Variants in NEB observed in about 807,000 individuals in gnomAD.
NEB encodes nebulin.
NEB carries 512 observed loss-of-function variants against 952.2 expected under a neutral mutation model. The ratio of observed to expected loss-of-function variants is 0.54; its 90% confidence interval spans 0.50 to 0.58. The LOEUF (loss-of-function observed/expected upper bound fraction) is 0.58. NEB is among the 20% of genes least tolerant of loss of function. The probability of loss-of-function intolerance (pLI) is 0.00; values close to 1 mark genes in which losing one functional copy is unlikely to be tolerated. For missense variants in NEB, 8,428 were observed against 9,231.1 expected (o/e 0.91, Z 3.56); for synonymous variants, 2,900 against 3,149.8 (o/e 0.92, Z 2.66).
intron 46 of NEB, among the ~76,000 whole-genome samples, chr2:151,661,612 G>T (rs895311774): frequency 6.6e-6 from 1 of 152,184 alleles, no homozygotes; most frequent in Non-Finnish European, 1.5e-5. Flanking sequence ...TAAAAATAGA[G>T]TAAGTCTTTT....
At chr2:151,532,735 A>G (rs2091952689) in intron 143 of NEB, among the ~76,000 whole-genome samples, 1 of 114,278 alleles carries the variant, frequency 8.8e-6, no homozygotes, top group South Asian at 2.7e-4. Context: ...CTAAGAGGAA[A>G]GCTCAATTAA....
Position 151,535,409 on chromosome 2 carries a change from G to A in NEB, c.21312+282C>T, listed in dbSNP as rs1443458267. On this transcript the variant is annotated intron_variant, in intron 142 of 181. Transcript: ENST00000397345. ...AGTCAAGAAAATCCTTTACCTGCCT[G>A]GTATTGTCACCCGCAGGGCTGTGCT... Among the ~76,000 whole-genome samples, 4 of 152,138 alleles carry A rather than the reference G, an allele frequency of 2.6e-5. No individual in the cohort carries two copies. In the East Asian group the frequency reaches 5.8e-4, roughly 22 times the overall value.
At chr2:151,675,183 T>G in intron 35 of NEB, 104 bp downstream of exon 35, 1 of 826,694 alleles carries the variant, frequency 1.2e-6, no homozygotes, top group Non-Finnish European at 2.0e-6. Context: ...AGGGGATTTG[T>G]GAGAAATGGG....
intron 164 of NEB, chr2:151,505,885 A>G: frequency 1.8e-6 from 1 of 541,258 alleles, no homozygotes; most frequent in South Asian, 2.3e-5. Flanking sequence ...AAACAGATTG[A>G]CATACATATA....
At chr2:151,729,122 T>C (rs1412451072) in intron 4 of NEB, among the ~76,000 whole-genome samples, 1 of 152,164 alleles carries the variant, frequency 6.6e-6, no homozygotes, top group African/African-American at 2.4e-5. Context: ...TATTTAGAAT[T>C]GCTAATGTGC....
intron 143 of NEB, among the ~76,000 whole-genome samples, chr2:151,533,134 GGAATC>G (rs1559624213): frequency 6.6e-6 from 1 of 152,210 alleles, no homozygotes; most frequent in East Asian, 1.9e-4. Context: ...CAATCTCTAA[GGAATC>G]TATTTCTTTG....
chr2:151,641,858 C>T (rs1388291111), intron 60 of NEB, among the ~76,000 whole-genome samples: 1 of 152,160 alleles, frequency 6.6e-6, no homozygotes, highest in Non-Finnish European at 1.5e-5. Context: ...TACATGTGCA[C>T]AACGTGCAGG....
At chr2:151,502,999 A>G in intron 166 of NEB, 114 bp from the exon 167 acceptor site, 2 of 650,544 alleles carry the variant, frequency 3.1e-6, no homozygotes, top group Non-Finnish European at 5.4e-6. Context: ...AGTAAGTAAT[A>G]TTTAGTAAGG....
chr2:151,507,713 C>A, intron 162 of NEB: 1 of 330,218 alleles, frequency 3.0e-6, no homozygotes, highest in Non-Finnish European at 5.6e-6. Context: ...TCTTGTTAAT[C>A]TGTCTTTTGT....
chr2:151,635,559 T>C (rs2098742359), intron 64 of NEB, among the ~76,000 whole-genome samples: 1 of 151,620 alleles, frequency 6.6e-6, no homozygotes, highest in Admixed American at 6.6e-5. Context: ...ATACAAAAAA[T>C]TATGGGCGTG....
chr2:151,633,773 T>G lies in NEB; in HGVS notation c.9295A>C (p.Lys3099Gln). The G allele has an allele frequency of 6.2e-7, 1 of 1,613,946 alleles. No homozygotes were observed. Among genetic ancestry groups the G allele is most frequent in the Non-Finnish European group, 8.5e-7 (1 of 1,179,862 alleles). ...TCACTGACTAAGGTCTGGCACTTCTTGGCCAGCACCACCCCCAGCATGTCC... is the reference window on the plus strand; with the variant it reads ...TCACTGACTAAGGTCTGGCACTTCTGGGCCAGCACCACCCCCAGCATGTCC... Reference protein sequence around the residue: ...PVDMLGVVLAKKCQTLVSDVD... With the variant: ...PVDMLGVVLAQKCQTLVSDVD... The change falls in exon 65 of 182, where the codon AAG becomes CAG. Residue 3099 changes from lysine (K) to glutamine (Q), a missense_variant. Lys to Gln is a moderately conservative substitution (Grantham distance 53). Around this residue, in one of 11 missense-constraint regions of NEB, gnomAD observed 1,772 missense variants for 1,960.3 expected, o/e 0.90. Coordinates refer to ENST00000397345, the MANE Select transcript of NEB (RefSeq NM_001164508.2).
chr2:151,694,606 C>T lies in NEB; in HGVS notation c.1698G>A (p.Glu566=), dbSNP rs1242070276. Residue 566 remains glutamate (E), a synonymous_variant, in exon 19 of 182, where the codon GAG becomes GAA. Coordinates refer to ENST00000397345, the MANE Select transcript of NEB (RefSeq NM_001164508.2). ...LSDNLYKQDW[E]KSKAKKFDIK... ...TGTCAAACTTTTTGGCTTTGCTCTT[C>T]TCCCAGTCTTGCTTATAAAGATTCT... 2.5e-6 allele frequency: 4 copies of T among 1,594,162 alleles called. No individual in the cohort carries two copies. Among genetic ancestry groups the T allele is most frequent in the Middle Eastern group, 1.7e-4 (1 of 6,058 alleles).
chr2:151,498,417 G>A (rs2152994489), intron 169 of NEB, 65 bp from the exon 170 acceptor site: 3 of 1,160,446 alleles, frequency 2.6e-6, no homozygotes, highest in Non-Finnish European at 2.5e-6. Flanking sequence ...CCCTGCTTTG[G>A]AGCAGTTGGG....
chr2:151,617,490 A>G, intron 74 of NEB, 22 bp from the exon 75 acceptor site: 1 of 1,298,832 alleles, frequency 7.7e-7, no homozygotes, highest in Non-Finnish European at 1.0e-6. Flanking sequence ...AAAAAAAAAG[A>G]GAGAGAGAGA....
rs748282591 is a variant in NEB at position 151,567,524 on chromosome 2, A to AC, written c.17845-46dup. The AC allele has an allele frequency of 7.2e-6, 11 of 1,525,062 alleles. 1 individual carries two copies. The South Asian group carries it at 1.4e-4, about 19-fold the overall frequency. 94.5% of individuals were successfully genotyped at this position (1,525,062 alleles called of 1,614,324 possible). On this transcript the variant is annotated intron_variant, in intron 113 of 181. Coordinates refer to ENST00000397345, the MANE Select transcript of NEB (RefSeq NM_001164508.2). ...AAATTCCATCAGTTTTGACAAGCAC[A>AC]CAAGGCAGAGGGGGCTTGATCATCT...
intron 124 of NEB, among the ~76,000 whole-genome samples, chr2:151,559,062 A>G (rs1326023206): frequency 6.6e-6 from 1 of 152,102 alleles, no homozygotes; most frequent in East Asian, 1.9e-4. Context: ...GCTACTATCC[A>G]GAATCTACAA....
intron 171 of NEB, 26 bp downstream of exon 171, chr2:151,497,600 G>GT (rs749958402): frequency 5.2e-6 from 8 of 1,547,732 alleles, no homozygotes; most frequent in African/African-American, 4.1e-5. Flanking sequence ...TAAATAAGTA[G>GT]TTTTTTTCTT....
chr2:151,533,893 GTTGT>G (rs754435179), intron 142 of NEB, among the ~76,000 whole-genome samples: 12 of 152,082 alleles, frequency 7.9e-5, no homozygotes, highest in South Asian at 2.1e-4. Context: ...GTTTTTTGTT[GTTGT>G]TTGTTTATTT....
At chr2:151,497,948 T>C in intron 170 of NEB, 3 of 1,427,926 alleles carry the variant, frequency 2.1e-6, no homozygotes, top group Admixed American at 5.9e-5. Flanking sequence ...ATCCATGTTA[T>C]TTTTTTTCAT....
Sources: gnomAD v4.1 joint callset for allele counts (sites outside exome capture counted in the v4.1 genomes callset) on GRCh38, gnomAD v4.1.1 for gene constraint, gnomAD v4.1.1 regional missense constraint, MANE v1.5 for transcripts, NCBI Gene and HGNC (gene_info 2026-07-23, HGNC 2026-07-21) for gene names.